Variants in WWOX observed in about 807,000 individuals in gnomAD.
WWOX encodes the protein WW domain-containing oxidoreductase.
WWOX carries 69 observed loss-of-function variants against 46.2 expected under a neutral mutation model. The observed-to-expected ratio is 1.49, with a 90% confidence interval of 1.23 to 1.82. WWOX has a LOEUF of 1.82. Ranked by LOEUF, WWOX falls within the 40% of genes most tolerant of loss-of-function variation. The pLI is 0.00. For missense variants in WWOX, 919 were observed against 542.6 expected (o/e 1.69, Z -6.89); for synonymous variants, 359 against 202.6 (o/e 1.77, Z -6.56).
chr16:78,214,730 G>C (rs2151791472), intron 5 of WWOX, among the ~76,000 whole-genome samples: 1 of 151,926 alleles, frequency 6.6e-6, no homozygotes, highest in South Asian at 2.1e-4. Context: ...TTGACCCTCA[G>C]TTGGCTTCAT....
intron 8 of WWOX, among the ~76,000 whole-genome samples, chr16:78,730,397 C>CT (rs1422527419): frequency 6.6e-6 from 1 of 151,964 alleles, no homozygotes; most frequent in Non-Finnish European, 1.5e-5. Context: ...CACACTAGCT[C>CT]TATAGGTAAG....
In WWOX at chr16:78,786,787, C is replaced by T. The variant is rs138466403; in HGVS notation, c.1056+354035C>T. ...GCAGTTACACAACATCTTCTACATG[C>T]CAAGAATGTTTCTAATACATGCTTT... On this transcript the variant is annotated intron_variant, in intron 8 of 8. Coordinates refer to ENST00000566780, the MANE Select transcript of WWOX (RefSeq NM_016373.4). 1.7e-3 allele frequency among the ~76,000 whole-genome samples: 261 copies of T among 152,302 alleles called. 1 individual carries two copies. The highest frequency in any genetic ancestry group is 5.8e-3 in the African/African-American group (242 of 41,574).
At chr16:78,157,126 A>G (rs1200786458) in intron 4 of WWOX, among the ~76,000 whole-genome samples, 1 of 151,694 alleles carries the variant, frequency 6.6e-6, no homozygotes, top group Non-Finnish European at 1.5e-5. Flanking sequence ...ATTCCTGATC[A>G]TTGCTTTGAC....
intron 8 of WWOX, among the ~76,000 whole-genome samples, chr16:78,615,275 C>T (rs985653465): frequency 6.6e-6 from 1 of 152,172 alleles, no homozygotes; most frequent in African/African-American, 2.4e-5. Context: ...GGCTCTGCTA[C>T]AGACGTCAGG....
At chr16:78,888,429 T>A (rs1334261865) in intron 8 of WWOX, among the ~76,000 whole-genome samples, 1 of 152,204 alleles carries the variant, frequency 6.6e-6, no homozygotes, top group African/African-American at 2.4e-5. Context: ...TTTTTGTAGT[T>A]GTCTAGGGAT....
chr16:78,423,310 C>T (rs943352298), intron 6 of WWOX, among the ~76,000 whole-genome samples: 4 of 151,774 alleles, frequency 2.6e-5, no homozygotes, highest in African/African-American at 4.8e-5. Flanking sequence ...TTTATAAGGT[C>T]GGTAGATTTG....
intron 5 of WWOX, chr16:78,278,775 G>A (rs2079626446): frequency 6.5e-6 from 6 of 924,404 alleles, no homozygotes; most frequent in South Asian, 3.2e-5. Context: ...AGACATGTAC[G>A]ATTTGCAACA....
chr16:78,404,273 A>G (rs1477411227), intron 6 of WWOX, among the ~76,000 whole-genome samples: 1 of 152,166 alleles, frequency 6.6e-6, no homozygotes, highest in Admixed American at 6.5e-5. Flanking sequence ...CACCAGTGGT[A>G]TCTTATTATT....
intron 8 of WWOX, among the ~76,000 whole-genome samples, chr16:78,834,368 G>A (rs1044069744): frequency 1.3e-5 from 2 of 152,186 alleles, no homozygotes; most frequent in African/African-American, 4.8e-5. Flanking sequence ...TTCCAGGATT[G>A]TCGTGCGTGT....
intron 8 of WWOX, among the ~76,000 whole-genome samples, chr16:79,145,497 C>T (rs556638540): frequency 6.0e-4 from 91 of 152,280 alleles, no homozygotes; most frequent in Non-Finnish European, 1.1e-3. Flanking sequence ...CCACCGCATC[C>T]AGCCCACAAA....
At chr16:79,007,787 A>G (rs1183006373) in intron 8 of WWOX, among the ~76,000 whole-genome samples, 1 of 152,196 alleles carries the variant, frequency 6.6e-6, no homozygotes, top group African/African-American at 2.4e-5. Context: ...GCTATTTAAT[A>G]TTTATCATTG....
intron 8 of WWOX, among the ~76,000 whole-genome samples, chr16:78,475,406 A>G (rs187841958): frequency 1.3e-5 from 2 of 152,232 alleles, no homozygotes; most frequent in Non-Finnish European, 2.9e-5. Flanking sequence ...ATAAACTGGG[A>G]TTTGTAAATA....
intron 5 of WWOX, chr16:78,168,658 C>G (rs761830922): frequency 4.6e-5 from 7 of 152,098 alleles, no homozygotes; most frequent in Non-Finnish European, 1.0e-4. Flanking sequence ...AACTCTCTAG[C>G]TGCGGTTTGA....
chr16:79,021,867 A>G (rs901444670), intron 8 of WWOX, among the ~76,000 whole-genome samples: 1 of 152,200 alleles, frequency 6.6e-6, no homozygotes, highest in Non-Finnish European at 1.5e-5. Context: ...TGCCAGTTAT[A>G]AAGGAGCAGG....
chr16:79,016,476 GCA>G (rs2047415221), intron 8 of WWOX: 1 of 152,298 alleles, frequency 6.6e-6, no homozygotes, highest in African/African-American at 2.4e-5. Context: ...GGGCTAGAGT[GCA>G]GTGGTGCAAT....
intron 7 of WWOX, among the ~76,000 whole-genome samples, chr16:78,429,196 T>C (rs1464074945): frequency 6.6e-6 from 1 of 152,186 alleles, no homozygotes; most frequent in Non-Finnish European, 1.5e-5. Flanking sequence ...TGACTTACAG[T>C]CTGGTATGGT....
chr16:78,714,837 G>A lies in WWOX; in HGVS notation c.1056+282085G>A, dbSNP rs143180124. Among the ~76,000 whole-genome samples, 18 of 152,332 alleles carry A rather than the reference G, an allele frequency of 1.2e-4. No individual in the cohort carries two copies. In the East Asian group the frequency reaches 3.5e-3, roughly 29 times the overall value. On this transcript the variant is annotated intron_variant, in intron 8 of 8. Coordinates refer to ENST00000566780, the MANE Select transcript of WWOX (RefSeq NM_016373.4). ...CTTAAGATTTTATTCTAGCTGCAGT[G>A]AGGAACCAGTGAGTGGTTTTAAGCC...
At chr16:78,633,128 G>A (rs1290020741) in intron 8 of WWOX, among the ~76,000 whole-genome samples, 1 of 152,088 alleles carries the variant, frequency 6.6e-6, no homozygotes, top group Non-Finnish European at 1.5e-5. Context: ...CGGGTGTGGT[G>A]GCGTGTGCCT....
At chr16:78,295,915 G>C (rs2079937699) in intron 5 of WWOX, among the ~76,000 whole-genome samples, 2 of 152,150 alleles carry the variant, frequency 1.3e-5, no homozygotes, top group Admixed American at 6.5e-5. Flanking sequence ...TGCCTGTTTG[G>C]GTATCACATT....
Sources: gnomAD v4.1 joint callset for allele counts (sites outside exome capture counted in the v4.1 genomes callset) on GRCh38, gnomAD v4.1.1 for gene constraint, MANE v1.5 for transcripts, NCBI Gene and HGNC (gene_info 2026-07-23, HGNC 2026-07-21) for gene names.